The following ANKRD17 variants were observed in gnomAD, a reference collection of about 807,000 sequenced individuals.
ANKRD17 encodes ankyrin repeat domain 17, also known as ankyrin repeat domain-containing protein 17.
ANKRD17 carries 19 observed loss-of-function variants against 229.7 expected under a neutral mutation model. That is an observed-to-expected ratio of 0.08 (90% CI 0.06 to 0.12). ANKRD17 has a LOEUF of 0.12. Ranked by LOEUF, ANKRD17 falls within the 10% of genes least tolerant of loss-of-function variation. The pLI is 1.00. For missense variants in ANKRD17, 2,176 were observed against 3,176.8 expected (o/e 0.68, Z 7.57); for synonymous variants, 1,112 against 1,146.1 (o/e 0.97, Z 0.60).
At chr4:73,144,283 T>C (rs1330718445) in intron 11 of ANKRD17, among the ~76,000 whole-genome samples, 1 of 152,236 alleles carries the variant, frequency 6.6e-6, no homozygotes, top group Non-Finnish European at 1.5e-5. Flanking sequence ...GCTATATTTG[T>C]CACATTTCTA....
chr4:73,209,945 C>A (rs1293937063), intron 1 of ANKRD17, among the ~76,000 whole-genome samples: 5 of 151,996 alleles, frequency 3.3e-5, no homozygotes. Context: ...ACATCCTCAA[C>A]CAGATAAAGG....
intron 1 of ANKRD17, among the ~76,000 whole-genome samples, chr4:73,214,620 T>G (rs1188428250): frequency 6.6e-6 from 1 of 151,668 alleles, no homozygotes; most frequent in African/African-American, 2.4e-5. Context: ...CTTCTCTGCA[T>G]GCACTCACAA....
At position 73,092,196 on chromosome 4, in the gene ANKRD17, C is replaced by T. The variant is rs959040754; in HGVS notation, c.5432G>A (p.Ser1811Asn). Residue 1811 changes from serine to asparagine, a missense_variant, in exon 29 of 34, where the codon AGC becomes AAC. Coordinates refer to ENST00000358602, the MANE Select transcript of ANKRD17 (RefSeq NM_032217.5). ...DELIPKNRLKSSSANSKIGSS... is the reference protein window; with the variant it reads ...DELIPKNRLKNSSANSKIGSS... ...CCCTATTTTGGAATTTGCTGAGGAG[C>T]TTTTCAAACGATTCTTTGGAATAAG... 6.2e-7 allele frequency: 1 copy of T among 1,613,960 alleles called. No individual in the cohort carries two copies. Among genetic ancestry groups the T allele is most frequent in the African/African-American group, 1.3e-5 (1 of 74,878 alleles).
At chr4:73,230,945 C>T (rs1234616287) in intron 1 of ANKRD17, among the ~76,000 whole-genome samples, 2 of 152,062 alleles carry the variant, frequency 1.3e-5, no homozygotes, top group African/African-American at 4.8e-5. Flanking sequence ...TACAATCAAC[C>T]CTCCCATTTG....
At chr4:73,240,641 T>A (rs769459003) in intron 1 of ANKRD17, among the ~76,000 whole-genome samples, 3 of 151,698 alleles carry the variant, frequency 2.0e-5, no homozygotes, top group Non-Finnish European at 2.9e-5. Context: ...AATTAGAATT[T>A]AAAAAAACAC....
At chr4:73,216,921 G>A (rs1741134304) in intron 1 of ANKRD17, among the ~76,000 whole-genome samples, 1 of 152,150 alleles carries the variant, frequency 6.6e-6, no homozygotes. Context: ...CCATTGGTTT[G>A]GCAAATTTGG....
chr4:73,152,718 G>A (rs1731159538), intron 6 of ANKRD17, among the ~76,000 whole-genome samples: 1 of 151,968 alleles, frequency 6.6e-6, no homozygotes, highest in Admixed American at 6.6e-5. Context: ...CCAGTACTGG[G>A]TTCAAAAGTA....
intron 18 of ANKRD17, among the ~76,000 whole-genome samples, chr4:73,124,410 C>T (rs1727166012): frequency 6.7e-6 from 1 of 150,272 alleles, no homozygotes; most frequent in African/African-American, 2.5e-5. Context: ...CTTAAAAAAA[C>T]AAAAGGTCAT....
At chr4:73,126,740 T>C (rs1321057977) in intron 16 of ANKRD17, among the ~76,000 whole-genome samples, 3 of 152,164 alleles carry the variant, frequency 2.0e-5, no homozygotes, top group East Asian at 3.9e-4. Flanking sequence ...ATTTATTTTA[T>C]TTTTTATTTT....
chr4:73,077,329 T>C (rs369268583), intron 32 of ANKRD17, 26 bp downstream of exon 32: 1 of 1,570,904 alleles, frequency 6.4e-7, no homozygotes, highest in Non-Finnish European at 8.6e-7. Context: ...CTCCCTTAAA[T>C]AACTAGTACA....
intron 4 of ANKRD17, 70 bp downstream of exon 4, chr4:73,155,949 T>G: frequency 6.7e-7 from 1 of 1,496,180 alleles, no homozygotes; most frequent in East Asian, 2.9e-5. Context: ...GGATTTATTT[T>G]ATTATTTCCT....
intron 15 of ANKRD17, among the ~76,000 whole-genome samples, chr4:73,138,935 C>G (rs1469979088): frequency 5.3e-5 from 8 of 152,020 alleles, no homozygotes; most frequent in Admixed American, 2.0e-4. Context: ...CACACCTTCT[C>G]ATGATACAGT....
intron 1 of ANKRD17, chr4:73,222,927 C>G: frequency 1.4e-6 from 2 of 1,400,438 alleles, no homozygotes; most frequent in Non-Finnish European, 2.0e-6. Flanking sequence ...GATAAGATTT[C>G]TTTGTTCAGA....
rs111477847 is a variant in ANKRD17, at chr4:73,213,944, A to T, written c.394-36411T>A. Among the ~76,000 whole-genome samples the T allele has an allele frequency of 1.9e-3, 287 of 152,344 alleles. 1 individual carries two copies. The highest frequency in any genetic ancestry group is 6.6e-3 in the African/African-American group (275 of 41,572). On this transcript the variant is annotated intron_variant, in intron 1 of 33. Transcript: ENST00000358602. ...AGACACTTTATAGCCTTCAAAAAAAATACTCAAATTTGACAAATATTTCAT... is the reference window on the plus strand; with the variant it reads ...AGACACTTTATAGCCTTCAAAAAAATTACTCAAATTTGACAAATATTTCAT...
chr4:73,145,056 C>T (rs1201650541), intron 10 of ANKRD17, among the ~76,000 whole-genome samples: 1 of 152,040 alleles, frequency 6.6e-6, no homozygotes, highest in Non-Finnish European at 1.5e-5. Context: ...CCAAAGTGAG[C>T]ACTGGAAATA....
At chr4:73,226,100 C>T (rs1239971699) in intron 1 of ANKRD17, among the ~76,000 whole-genome samples, 1 of 149,490 alleles carries the variant, frequency 6.7e-6, no homozygotes, top group South Asian at 2.1e-4. Flanking sequence ...CTCAGCTTCC[C>T]GAGTAGCTGG....
chr4:73,202,473 A>C (rs892542844), intron 1 of ANKRD17, among the ~76,000 whole-genome samples: 2 of 152,264 alleles, frequency 1.3e-5, no homozygotes, highest in Non-Finnish European at 2.9e-5. Context: ...GGAGCTGTAA[A>C]CTAAACAATT....
intron 1 of ANKRD17, among the ~76,000 whole-genome samples, chr4:73,234,990 C>A (rs2149248690): frequency 6.6e-6 from 1 of 152,294 alleles, no homozygotes; most frequent in East Asian, 1.9e-4. Flanking sequence ...CCTCTGTTAT[C>A]TTGGGTTCCA....
intron 1 of ANKRD17, among the ~76,000 whole-genome samples, chr4:73,189,770 G>C (rs563482770): frequency 6.6e-6 from 1 of 152,066 alleles, no homozygotes; most frequent in South Asian, 2.1e-4. Context: ...ACCACAGCCT[G>C]AAATTATCTT....
Sources: gnomAD v4.1 joint callset for allele counts (sites outside exome capture counted in the v4.1 genomes callset) on GRCh38, gnomAD v4.1.1 for gene constraint, MANE v1.5 for transcripts, NCBI Gene and HGNC (gene_info 2026-07-23, HGNC 2026-07-21) for gene names.